PLPPR1: variants seen among roughly 807,000 people sequenced by gnomAD.
The protein encoded by PLPPR1 is phospholipid phosphatase related 1.
Under a neutral mutation model 33.1 loss-of-function variants are expected in PLPPR1, and 10 were observed. That is an observed-to-expected ratio of 0.30 (90% CI 0.19 to 0.51). PLPPR1 has a LOEUF of 0.51. PLPPR1 is among the 20% of genes least tolerant of loss of function. The pLI is 0.97. For synonymous variants in PLPPR1, 151 were observed against 151.0 expected (o/e 1.00, Z 0.00); for missense variants, 304 against 408.1 (o/e 0.74, Z 2.20).
At chr9:101,146,686 A>G (rs1831525212) in intron 1 of PLPPR1, among the ~76,000 whole-genome samples, 1 of 152,146 alleles carries the variant, frequency 6.6e-6, no homozygotes, top group South Asian at 2.1e-4. Flanking sequence ...CAATTAACAA[A>G]ATGTTCTCTG....
chr9:101,220,621 C>T (rs1247826175), intron 2 of PLPPR1, among the ~76,000 whole-genome samples: 1 of 152,194 alleles, frequency 6.6e-6, no homozygotes, highest in Admixed American at 6.5e-5. Context: ...CCTAGCAGCT[C>T]TAGACTTTCC....
At chr9:101,290,032 G>C (rs1235467675) in intron 4 of PLPPR1, among the ~76,000 whole-genome samples, 1 of 152,142 alleles carries the variant, frequency 6.6e-6, no homozygotes, top group East Asian at 1.9e-4. Context: ...CCTGTAGGAG[G>C]GGTGAAGGAA....
At chr9:101,144,962 A>G (rs1459592193) in intron 1 of PLPPR1, among the ~76,000 whole-genome samples, 1 of 152,116 alleles carries the variant, frequency 6.6e-6, no homozygotes, top group African/African-American at 2.4e-5. Context: ...CTCTTGCCTT[A>G]ATACTTATTC....
intron 2 of PLPPR1, among the ~76,000 whole-genome samples, chr9:101,209,040 T>C (rs1826637775): frequency 6.6e-6 from 1 of 152,218 alleles, no homozygotes; most frequent in Admixed American, 6.5e-5. Flanking sequence ...AAATTGTTTT[T>C]CTGAAAGTGG....
intron 3 of PLPPR1, among the ~76,000 whole-genome samples, chr9:101,277,778 A>G (rs540817860): frequency 7.5e-4 from 114 of 152,320 alleles, no homozygotes; most frequent in Non-Finnish European, 1.2e-3. Context: ...ACTGGGCACA[A>G]TGATTTCTTT....
At chr9:101,182,894 C>A (rs903497213) in intron 1 of PLPPR1, among the ~76,000 whole-genome samples, 1 of 151,554 alleles carries the variant, frequency 6.6e-6, no homozygotes, top group Non-Finnish European at 1.5e-5. Context: ...TGGAAAGATG[C>A]TCAACATAAT....
intron 1 of PLPPR1, among the ~76,000 whole-genome samples, chr9:101,131,003 C>G (rs1283663765): frequency 1.3e-5 from 2 of 151,878 alleles, no homozygotes; most frequent in East Asian, 3.9e-4. Context: ...GTACACACAT[C>G]ACAAATTTGT....
chr9:101,033,749 T>G (rs1320828554), intron 1 of PLPPR1, among the ~76,000 whole-genome samples: 1 of 152,122 alleles, frequency 6.6e-6, no homozygotes, highest in Admixed American at 6.6e-5. Flanking sequence ...TGACTCCTAT[T>G]CCCACTTTAC....
chr9:101,297,590 C>G (rs1828671727), intron 4 of PLPPR1, among the ~76,000 whole-genome samples: 2 of 152,158 alleles, frequency 1.3e-5, no homozygotes, highest in Non-Finnish European at 2.9e-5. Context: ...TGCCTGTCCT[C>G]CCAGGCTTTA....
rs555883496 is a variant in PLPPR1, at chr9:101,301,288, C to G, written c.386-7923C>G. On this transcript the variant is annotated intron_variant, in intron 4 of 7. Coordinates refer to ENST00000374874, the MANE Select transcript of PLPPR1 (RefSeq NM_207299.2). ...TTCAGGTTGTTACAATTGTAGGTTT[C>G]TTATATCTTTCCTGCATTTAAAAAA... Among the ~76,000 whole-genome samples, 13 of 152,214 alleles carry G rather than the reference C, an allele frequency of 8.5e-5. No individual in the cohort carries two copies. In the South Asian group the frequency reaches 2.7e-3, roughly 32 times the overall value.
intron 3 of PLPPR1, among the ~76,000 whole-genome samples, chr9:101,271,837 G>A (rs894406655): frequency 6.6e-6 from 1 of 151,966 alleles, no homozygotes; most frequent in African/African-American, 2.4e-5. Context: ...TTCATTTATC[G>A]TTGCCTAGGT....
chr9:101,237,392 T>C (rs989938102), intron 2 of PLPPR1, among the ~76,000 whole-genome samples: 14 of 151,568 alleles, frequency 9.2e-5, no homozygotes, highest in African/African-American at 3.1e-4. Flanking sequence ...CACAGTACTA[T>C]TTACAATAGC....
intron 1 of PLPPR1, among the ~76,000 whole-genome samples, chr9:101,110,884 T>G (rs544149550): frequency 6.6e-6 from 1 of 152,266 alleles, no homozygotes; most frequent in Non-Finnish European, 1.5e-5. Flanking sequence ...TATTTTGGAA[T>G]TAATCTTATG....
intron 1 of PLPPR1, among the ~76,000 whole-genome samples, chr9:101,114,008 A>T (rs1459248920): frequency 1.3e-5 from 2 of 152,088 alleles, no homozygotes; most frequent in Non-Finnish European, 2.9e-5. Context: ...AGGGAAAGAC[A>T]GTGACAGGCA....
intron 2 of PLPPR1, among the ~76,000 whole-genome samples, chr9:101,269,389 A>T (rs1228234138): frequency 6.6e-6 from 1 of 152,076 alleles, no homozygotes; most frequent in African/African-American, 2.4e-5. Context: ...TTTCCTGTTA[A>T]TTTCTTCATT....
chr9:101,213,353 A>G (rs1826722551), intron 2 of PLPPR1, among the ~76,000 whole-genome samples: 1 of 152,208 alleles, frequency 6.6e-6, no homozygotes, highest in Non-Finnish European at 1.5e-5. Context: ...AAAGAGATAA[A>G]ATCCTTAAAA....
At chr9:101,096,322 C>T (rs1830816998) in intron 1 of PLPPR1, among the ~76,000 whole-genome samples, 2 of 152,152 alleles carry the variant, frequency 1.3e-5, no homozygotes, top group African/African-American at 4.8e-5. Context: ...AGTAGCTACT[C>T]CTTGATCATC....
At chr9:101,111,507 G>T (rs1452653533) in intron 1 of PLPPR1, among the ~76,000 whole-genome samples, 1 of 152,078 alleles carries the variant, frequency 6.6e-6, no homozygotes, top group African/African-American at 2.4e-5. Context: ...TGAAATATTT[G>T]GGGGATAGTA....
At chr9:101,072,026 G>A (rs910353441) in intron 1 of PLPPR1, among the ~76,000 whole-genome samples, 4 of 152,142 alleles carry the variant, frequency 2.6e-5, no homozygotes, top group Non-Finnish European at 4.4e-5. Flanking sequence ...CGTGGTGTTT[G>A]GAGAAGATAC....
Sources: gnomAD v4.1 joint callset for allele counts (sites outside exome capture counted in the v4.1 genomes callset) on GRCh38, gnomAD v4.1.1 for gene constraint, MANE v1.5 for transcripts, NCBI Gene and HGNC (gene_info 2026-07-23, HGNC 2026-07-21) for gene names.